Variants in RAD51B observed in about 807,000 individuals in gnomAD.
RAD51B encodes the protein RAD51 paralog B.
In RAD51B, 38 loss-of-function variants were observed where a neutral mutation model predicts 42.2. That is an observed-to-expected ratio of 0.90 (90% confidence interval 0.70 to 1.18). RAD51B has a LOEUF of 1.18. Ranked by LOEUF, RAD51B falls within the 50% of genes most tolerant of loss-of-function variation. The pLI, the probability that RAD51B is intolerant of heterozygous loss-of-function variation, is 0.00. For synonymous variants in RAD51B, 154 were observed against 145.2 expected, an observed-to-expected ratio of 1.06 and a Z score of -0.43; for missense variants, 373 against 400.7, an observed-to-expected ratio of 0.93 and a Z score of 0.59.
rs531219664 is a variant in RAD51B at position 68,447,484 on chromosome 14, A to G, written c.958-20688A>G. 3.3e-3 allele frequency among the ~76,000 whole-genome samples: 3 copies of G among 912 alleles called. No individual in the cohort carries two copies. The Admixed American group carries it at 0.052, about 16-fold the overall frequency. The allele number at this position is 912 out of a possible 152,430, so 0.6% of individuals were successfully genotyped here. On this transcript the variant is annotated intron_variant, in intron 9 of 10. Transcript: ENST00000471583. ...TTTTATTATTCACCTCCACCACAGT[A>G]GAGAGAAAAAAAAAAAGCATGAAAC...
chr14:68,314,081 A>G (rs2139738039), intron 8 of RAD51B, among the ~76,000 whole-genome samples: 1 of 152,146 alleles, frequency 6.6e-6, no homozygotes, highest in Middle Eastern at 3.4e-3. Context: ...TCCTCCTCCT[A>G]CTTCCTCAAC....
intron 11 of RAD51B, among the ~76,000 whole-genome samples, chr14:68,675,693 T>C (rs1482601511): frequency 6.6e-6 from 1 of 152,260 alleles, no homozygotes; most frequent in Non-Finnish European, 1.5e-5. Flanking sequence ...TTAAGGTAGA[T>C]ACTGGGGGAC....
chr14:68,025,289 A>G (rs2075935635), intron 7 of RAD51B, among the ~76,000 whole-genome samples: 1 of 152,062 alleles, frequency 6.6e-6, no homozygotes, highest in South Asian at 2.1e-4. Context: ...TATCAGGGAT[A>G]TTGGCCTGAA....
chr14:68,357,945 G>A (rs2082942578), intron 8 of RAD51B, among the ~76,000 whole-genome samples: 1 of 152,172 alleles, frequency 6.6e-6, no homozygotes. Flanking sequence ...AACACTTAGA[G>A]GCCATTGTAG....
At chr14:68,375,773 A>G (rs968032971) in intron 8 of RAD51B, among the ~76,000 whole-genome samples, 1 of 152,104 alleles carries the variant, frequency 6.6e-6, no homozygotes, top group Non-Finnish European at 1.5e-5. Context: ...ATAAAGAAAT[A>G]TCCCCCTTAT....
At chr14:68,510,112 T>A (rs986867250) in intron 10 of RAD51B, among the ~76,000 whole-genome samples, 1 of 152,130 alleles carries the variant, frequency 6.6e-6, no homozygotes, top group Non-Finnish European at 1.5e-5. Context: ...CACTGCTGAG[T>A]GGGGAGCAGT....
chr14:68,595,638 T>G (rs1213307989), exon 11 of RAD51B: 2 of 1,047,172 alleles, frequency 1.9e-6, no homozygotes, highest in Non-Finnish European at 1.2e-6. Context: ...TTGTGTTATT[T>G]ATACTAGCAA....
At chr14:68,462,674 A>T (rs1354100620) in intron 9 of RAD51B, among the ~76,000 whole-genome samples, 1 of 152,170 alleles carries the variant, frequency 6.6e-6, no homozygotes, top group Admixed American at 6.5e-5. Context: ...TACAGGCCCG[A>T]CACCTCCAAA....
chr14:68,555,257 T>C (rs1409315712), intron 10 of RAD51B, among the ~76,000 whole-genome samples: 1 of 152,258 alleles, frequency 6.6e-6, no homozygotes, highest in African/African-American at 2.4e-5. Flanking sequence ...TGTTATGTGC[T>C]CAGCACATCC....
At chr14:68,524,413 G>A (rs2140336358) in intron 10 of RAD51B, among the ~76,000 whole-genome samples, 1 of 152,214 alleles carries the variant, frequency 6.6e-6, no homozygotes, top group Middle Eastern at 3.4e-3. Flanking sequence ...CTTGAAATTA[G>A]GGCCCTTACT....
At chr14:68,135,080 G>A (rs1393905762) in intron 7 of RAD51B, among the ~76,000 whole-genome samples, 2 of 152,160 alleles carry the variant, frequency 1.3e-5, no homozygotes, top group Non-Finnish European at 2.9e-5. Flanking sequence ...CAATGCAGAT[G>A]CAGTTAAATT....
intron 4 of RAD51B, among the ~76,000 whole-genome samples, chr14:67,844,552 G>A (rs2041543670): frequency 6.7e-6 from 1 of 150,150 alleles, no homozygotes. Context: ...GGATAATTAG[G>A]TCTTTTTGTT....
At chr14:67,854,506 C>T (rs979550751) in intron 4 of RAD51B, among the ~76,000 whole-genome samples, 5 of 151,282 alleles carry the variant, frequency 3.3e-5, no homozygotes, top group Non-Finnish European at 5.9e-5. Context: ...TGGTGGCATG[C>T]GCCTGTTGTG....
chr14:68,547,355 G>A (rs1888290283), intron 10 of RAD51B, among the ~76,000 whole-genome samples: 1 of 152,160 alleles, frequency 6.6e-6, no homozygotes, highest in Non-Finnish European at 1.5e-5. Flanking sequence ...GCCATCCACT[G>A]TTACCTTTCA....
chr14:68,545,459 G>A, intron 10 of RAD51B: 2 of 416,464 alleles, frequency 4.8e-6, no homozygotes, highest in Non-Finnish European at 9.7e-6. Context: ...CCTGCTGTGT[G>A]CCAGGCATTT....
intron 7 of RAD51B, among the ~76,000 whole-genome samples, chr14:68,169,959 T>C (rs78190621): frequency 0.011 from 1,738 of 152,294 alleles, 46 homozygotes; most frequent in African/African-American, 0.039. Context: ...AGAATACTGT[T>C]CTATGGACTC....
intron 8 of RAD51B, among the ~76,000 whole-genome samples, chr14:68,349,190 A>G (rs996526684): frequency 6.6e-6 from 1 of 152,144 alleles, no homozygotes; most frequent in African/African-American, 2.4e-5. Context: ...CTCATGGGCC[A>G]TATAAAAACA....
intron 10 of RAD51B, among the ~76,000 whole-genome samples, chr14:68,470,262 A>G (rs1284224492): frequency 6.6e-6 from 1 of 152,142 alleles, no homozygotes; most frequent in Non-Finnish European, 1.5e-5. Context: ...TGTTTTCTCT[A>G]TCCCACTCCC....
chr14:68,341,375 G>C lies in RAD51B; in HGVS notation c.853+49395G>C, dbSNP rs367721825. 7.2e-5 allele frequency among the ~76,000 whole-genome samples: 11 copies of C among 152,218 alleles called. No individual in the cohort carries two copies. In the East Asian group the frequency reaches 1.5e-3, roughly 21 times the overall value. On this transcript the variant is annotated intron_variant, in intron 8 of 10. Coordinates refer to ENST00000471583, the MANE Select transcript of RAD51B (RefSeq NM_133510.4). ...TCTATTACAGCACTAAAGTGGTCAG[G>C]GTTTTCATAAAGTTTTGTGGAAGTC...
Sources: allele counts gnomAD v4.1 joint callset (sites outside exome capture counted in the v4.1 genomes callset), GRCh38; gene constraint gnomAD v4.1.1; transcripts MANE v1.5; gene names NCBI Gene and HGNC (gene_info 2026-07-23, HGNC 2026-07-21).